The following PCLO variants were observed in gnomAD, a reference collection of about 807,000 sequenced individuals.
The protein encoded by PCLO is piccolo presynaptic cytomatrix protein.
In PCLO, 82 loss-of-function variants were observed where a neutral mutation model predicts 427.5. The observed-to-expected ratio is 0.19, with a 90% CI of 0.16 to 0.23. The LOEUF (loss-of-function observed/expected upper bound fraction) is 0.23, where lower values mean the gene tolerates loss of function less well. Ranked by LOEUF, PCLO falls within the 10% of genes least tolerant of loss-of-function variation. PCLO has a pLI of 1.00. For missense variants in PCLO, 6,239 were observed against 6,115.9 expected (o/e 1.02, Z -0.67); for synonymous variants, 2,357 against 2,155.4 (o/e 1.09, Z -2.59).
At chr7:82,973,326 C>T (rs1230688556) in intron 3 of PCLO, among the ~76,000 whole-genome samples, 2 of 152,018 alleles carry the variant, frequency 1.3e-5, no homozygotes, top group African/African-American at 4.8e-5. Flanking sequence ...TCTTTTAAAA[C>T]CACTGACACC....
intron 9 of PCLO, among the ~76,000 whole-genome samples, chr7:82,885,852 C>T (rs1472645407): frequency 6.6e-6 from 1 of 151,682 alleles, no homozygotes; most frequent in Non-Finnish European, 1.5e-5. Context: ...GTTAAACACT[C>T]CAGGCAACGC....
intron 19 of PCLO, among the ~76,000 whole-genome samples, chr7:82,822,950 A>G (rs1367093065): frequency 6.6e-6 from 1 of 152,166 alleles, no homozygotes; most frequent in African/African-American, 2.4e-5. Flanking sequence ...CTAGTAATAA[A>G]TATGTTAACT....
At chr7:83,145,451 T>C (rs1475530669) in intron 2 of PCLO, among the ~76,000 whole-genome samples, 1 of 152,066 alleles carries the variant, frequency 6.6e-6, no homozygotes, top group Admixed American at 6.5e-5. Flanking sequence ...ATTTAGAAAA[T>C]GGTATGGTGA....
At chr7:83,140,886 C>T (rs935713457) in intron 2 of PCLO, among the ~76,000 whole-genome samples, 5 of 152,188 alleles carry the variant, frequency 3.3e-5, no homozygotes, top group African/African-American at 1.2e-4. Flanking sequence ...CAGACACTTG[C>T]TGCCAGTTAC....
chr7:83,120,792 T>C (rs1205099474), intron 3 of PCLO, among the ~76,000 whole-genome samples: 1 of 152,172 alleles, frequency 6.6e-6, no homozygotes, highest in African/African-American at 2.4e-5. Flanking sequence ...AAGCAAAAGC[T>C]GAGGGATTTC....
chr7:82,997,757 T>C (rs1417873647), intron 3 of PCLO, among the ~76,000 whole-genome samples: 1 of 152,026 alleles, frequency 6.6e-6, no homozygotes, highest in Non-Finnish European at 1.5e-5. Flanking sequence ...GAAAGAAGAA[T>C]CAATTTAAAT....
At chr7:82,788,468 G>A (rs1488994873) in intron 22 of PCLO, among the ~76,000 whole-genome samples, 1 of 151,796 alleles carries the variant, frequency 6.6e-6, no homozygotes, top group Non-Finnish European at 1.5e-5. Flanking sequence ...AGCGAACTTT[G>A]TGAAATGCAT....
intron 4 of PCLO, among the ~76,000 whole-genome samples, chr7:82,959,739 A>C (rs111920274): frequency 0.012 from 1,794 of 151,312 alleles, 14 homozygotes; most frequent in Non-Finnish European, 0.019. Flanking sequence ...CTCCCTCCAC[A>C]CTCCTCACAG....
chr7:83,002,149 T>C (rs996178656), intron 3 of PCLO, among the ~76,000 whole-genome samples: 2 of 152,008 alleles, frequency 1.3e-5, no homozygotes, highest in African/African-American at 4.8e-5. Flanking sequence ...TTCTTTCTAG[T>C]ACTCCTTTCT....
chr7:83,123,956 CAAAAAAAAAAAAA>C (rs71074625), intron 3 of PCLO, among the ~76,000 whole-genome samples: 2 of 29,056 alleles, frequency 6.9e-5, no homozygotes, highest in African/African-American at 1.7e-4. Flanking sequence ...AACTCTGTCT[CAAAAAAAAAAAAA>C]AAAAAAAAAA....
chr7:83,000,325 A>G (rs546067055), intron 3 of PCLO, among the ~76,000 whole-genome samples: 2 of 151,676 alleles, frequency 1.3e-5, no homozygotes, highest in Non-Finnish European at 2.9e-5. Context: ...CAGAGTATAG[A>G]ATTCTATACT....
At chr7:83,001,432 A>G (rs1787819833) in intron 3 of PCLO, among the ~76,000 whole-genome samples, 1 of 151,946 alleles carries the variant, frequency 6.6e-6, no homozygotes, top group African/African-American at 2.4e-5. Flanking sequence ...AACTGAATAC[A>G]TTAGCAGGTA....
chr7:82,851,045 T>C (rs1048806001), intron 10 of PCLO, among the ~76,000 whole-genome samples: 2 of 152,132 alleles, frequency 1.3e-5, no homozygotes, highest in African/African-American at 4.8e-5. Context: ...GTGGGATTGG[T>C]GACCTTGAGT....
chr7:83,096,329 T>A (rs1407412919), intron 3 of PCLO, among the ~76,000 whole-genome samples: 1 of 152,084 alleles, frequency 6.6e-6, no homozygotes, highest in Non-Finnish European at 1.5e-5. Context: ...CATCTGCACT[T>A]CAGAAATTTA....
chr7:83,000,208 C>T (rs1276155459), intron 3 of PCLO, among the ~76,000 whole-genome samples: 1 of 150,344 alleles, frequency 6.7e-6, no homozygotes, highest in African/African-American at 2.4e-5. Flanking sequence ...ATAATTACAT[C>T]TCACATTTCC....
intron 3 of PCLO, among the ~76,000 whole-genome samples, chr7:83,009,334 G>A (rs536646045): frequency 6.6e-6 from 1 of 151,910 alleles, no homozygotes; most frequent in Non-Finnish European, 1.5e-5. Context: ...TTGATACTGT[G>A]AAATTAACAC....
At chr7:82,855,896 A>G (rs1279101611) in intron 10 of PCLO, among the ~76,000 whole-genome samples, 1 of 152,084 alleles carries the variant, frequency 6.6e-6, no homozygotes, top group African/African-American at 2.4e-5. Context: ...CTGCTTGTTT[A>G]TATTGCCTAT....
In PCLO at chr7:82,950,582, T is replaced by C. The variant is rs764399418; in HGVS notation, c.10006A>G (p.Ile3336Val). The C allele has an allele frequency of 1.9e-6, 3 of 1,613,746 alleles. No individual in the cohort carries two copies. In the Admixed American group the frequency reaches 5.0e-5, roughly 27 times the overall value. The change falls in exon 6 of 25, where the codon ATT (isoleucine) becomes GTT (valine). Residue 3336 changes from isoleucine to valine, a missense_variant. By Grantham distance (29) the Ile-to-Val change is conservative (BLOSUM62 3). Transcript: ENST00000333891. ...AGAGCAGCATACTGACCTTCCAAAA[T>C]TGCCTGCTCTGTAGTGGTTTGTGGA... ...ASPQTTTEQA[I>V]LEGQYAALEG...
At chr7:82,792,248 T>G (rs1284965929) in intron 22 of PCLO, among the ~76,000 whole-genome samples, 1 of 152,124 alleles carries the variant, frequency 6.6e-6, no homozygotes, top group African/African-American at 2.4e-5. Flanking sequence ...TAATACCATT[T>G]TTTTCTTCTT....
Sources: allele counts gnomAD v4.1 joint callset (sites outside exome capture counted in the v4.1 genomes callset), GRCh38; gene constraint gnomAD v4.1.1; transcripts MANE v1.5; gene names NCBI Gene and HGNC (gene_info 2026-07-23, HGNC 2026-07-21).